Variants in ADORA2B observed in about 807,000 individuals in gnomAD.
The protein encoded by ADORA2B is adenosine A2b receptor, also known as adenosine receptor A2b.
Under a neutral mutation model 20.8 loss-of-function variants are expected in ADORA2B, and 18 were observed. The ratio of observed to expected loss-of-function variants is 0.87; its 90% CI spans 0.60 to 1.29. ADORA2B has a LOEUF of 1.29. Among genes scored for constraint, ADORA2B ranks in the 50% most tolerant of loss-of-function variants. The pLI is 0.00. For missense variants in ADORA2B, 441 were observed against 422.7 expected, an observed-to-expected ratio of 1.04 and a Z score of -0.38; for synonymous variants, 179 against 178.3, an observed-to-expected ratio of 1.00 and a Z score of -0.03.
chr17:15,931,856 C>T, the ADORA2B span, among the ~76,000 whole-genome samples: 3 of 152,092 alleles, frequency 2.0e-5, no homozygotes, highest in African/African-American at 4.8e-5. Context: ...CTCAGCCTCC[C>T]GAGTAGCTGG....
chr17:15,916,483 AG>A, the ADORA2B span, among the ~76,000 whole-genome samples: 1 of 148,890 alleles, frequency 6.7e-6, no homozygotes, highest in Non-Finnish European at 1.5e-5. Flanking sequence ...CACAACTCTA[AG>A]GGGGGTCCGC....
the ADORA2B span, among the ~76,000 whole-genome samples, chr17:15,931,260 C>T: frequency 6.6e-6 from 1 of 152,198 alleles, no homozygotes; most frequent in Non-Finnish European, 1.5e-5. Flanking sequence ...TGGAGCTTAG[C>T]GCTTCAATGC....
At chr17:15,877,038 A>G in the ADORA2B span, among the ~76,000 whole-genome samples, 503 of 152,326 alleles carry the variant, frequency 3.3e-3, no homozygotes, top group African/African-American at 0.012. Context: ...TTCGCTTAGC[A>G]TAATGACCTC....
chr17:15,943,937 A>G (rs1455915200), upstream of ADORA2B, among the ~76,000 whole-genome samples: 1 of 152,286 alleles, frequency 6.6e-6, no homozygotes, highest in Admixed American at 6.5e-5. Context: ...GGAGTGCTCT[A>G]GAACAATGGT....
the ADORA2B span, among the ~76,000 whole-genome samples, chr17:15,923,658 G>A: frequency 5.3e-5 from 8 of 150,880 alleles, no homozygotes; most frequent in African/African-American, 1.5e-4. Flanking sequence ...CACGCGCTTC[G>A]GCCTCCCAAA....
At chr17:15,930,209 G>T in the ADORA2B span, among the ~76,000 whole-genome samples, 1 of 151,864 alleles carries the variant, frequency 6.6e-6, no homozygotes, top group East Asian at 1.9e-4. Flanking sequence ...CTCTTAGGAA[G>T]AACTTTTTAA....
At chr17:15,874,547 G>C in the ADORA2B span, among the ~76,000 whole-genome samples, 1,890 of 151,468 alleles carry the variant, frequency 0.012, 48 homozygotes, top group African/African-American at 0.043. Context: ...TAAATAATAA[G>C]CAGGCGTGGT....
the ADORA2B span, among the ~76,000 whole-genome samples, chr17:15,923,206 A>ATTCTTTTTTTTTTTTTTT: frequency 4.4e-5 from 5 of 113,528 alleles, no homozygotes; most frequent in African/African-American, 1.8e-4. Flanking sequence ...TCTTTTTTTA[A>ATTCTTTTTTTTTTTTTTT]TTTTTTTTTT....
At chr17:15,859,915 T>C in the ADORA2B span, among the ~76,000 whole-genome samples, 6 of 152,358 alleles carry the variant, frequency 3.9e-5, no homozygotes, top group Non-Finnish European at 8.8e-5. Context: ...TATTGTCTTA[T>C]GCCCAATTTC....
intron 1 of ADORA2B, among the ~76,000 whole-genome samples, chr17:15,951,081 C>T (rs763896712): frequency 5.3e-5 from 8 of 152,188 alleles, no homozygotes; most frequent in South Asian, 2.1e-4. Flanking sequence ...ACGTCATGCC[C>T]GGGGAACAGC....
the ADORA2B span, among the ~76,000 whole-genome samples, chr17:15,866,774 CTGA>C: frequency 7.3e-6 from 1 of 137,694 alleles, no homozygotes; most frequent in African/African-American, 3.1e-5. Flanking sequence ...CAGTCTCCCT[CTGA>C]TGCCGAGCCA....
At chr17:15,858,296 A>G in the ADORA2B span, among the ~76,000 whole-genome samples, 1 of 151,960 alleles carries the variant, frequency 6.6e-6, no homozygotes, top group South Asian at 2.1e-4. Flanking sequence ...GGCCTTCCTA[A>G]CAGGTGTGAG....
chr17:15,974,989 ACT>A lies in ADORA2B; in HGVS notation c.647_648del (p.Thr216ArgfsTer38). The A allele has an allele frequency of 6.2e-7, 1 of 1,614,196 alleles. No homozygotes were observed. The highest frequency in any genetic ancestry group is 1.1e-5 in the South Asian group (1 of 91,080). On this transcript the variant is annotated frameshift_variant, in exon 2 of 2. Transcript: ENST00000304222. LOFTEE classifies it high-confidence loss of function. ...GGTGGCCTGCAGGCAGCTTCAGCGC[ACT>A]GAGCTGATGGACCACTCGAGGACCA... is the stretch of plus-strand genomic sequence containing the variant. ...FLVACRQLQR[T>X]ELMDHSRTTL...
chr17:15,904,415 A>G, the ADORA2B span, among the ~76,000 whole-genome samples: 1 of 130,668 alleles, frequency 7.7e-6, no homozygotes, highest in Non-Finnish European at 1.6e-5. Context: ...TTTTTTTGAG[A>G]CGGAGTCTCT....
chr17:15,852,440 C>G, the ADORA2B span, among the ~76,000 whole-genome samples: 11 of 151,856 alleles, frequency 7.2e-5, no homozygotes, highest in Non-Finnish European at 1.0e-4. Context: ...TTACATCATC[C>G]AGAACCTCAA....
the ADORA2B span, among the ~76,000 whole-genome samples, chr17:15,915,393 C>G: frequency 6.6e-6 from 1 of 152,238 alleles, no homozygotes. Flanking sequence ...TCCCTTCTGC[C>G]ATGTAAGCTA....
At chr17:15,946,969 A>G (rs2151591775) in intron 1 of ADORA2B, among the ~76,000 whole-genome samples, 1 of 152,270 alleles carries the variant, frequency 6.6e-6, no homozygotes, top group Admixed American at 6.5e-5. Flanking sequence ...AGGCCATTTG[A>G]GTAGGCAGAT....
At chr17:15,872,436 T>A in the ADORA2B span, among the ~76,000 whole-genome samples, 1 of 152,176 alleles carries the variant, frequency 6.6e-6, no homozygotes, top group Non-Finnish European at 1.5e-5. Context: ...TTTTTTCTAA[T>A]TCTGTGAAAA....
chr17:15,857,424 G>A, the ADORA2B span, among the ~76,000 whole-genome samples: 1 of 152,180 alleles, frequency 6.6e-6, no homozygotes, highest in African/African-American at 2.4e-5. Flanking sequence ...TGAGAAGAGG[G>A]ACACCATCCT....
Sources: allele counts gnomAD v4.1 joint callset (sites outside exome capture counted in the v4.1 genomes callset), GRCh38; gene constraint gnomAD v4.1.1; transcripts MANE v1.5; gene names NCBI Gene and HGNC (gene_info 2026-07-23, HGNC 2026-07-21).